CC2D2A: variants seen among roughly 807,000 people sequenced by gnomAD.
CC2D2A encodes the protein coiled-coil and C2 domain-containing protein 2A.
In CC2D2A, 155 loss-of-function variants were observed where a neutral mutation model predicts 212.9. The ratio of observed to expected loss-of-function variants is 0.73; its 90% CI spans 0.64 to 0.83. CC2D2A has a LOEUF of 0.83. Among genes scored for constraint, CC2D2A ranks in the 40% least tolerant of loss-of-function variants. CC2D2A has a pLI of 0.00. For missense variants in CC2D2A, 1,856 were observed against 1,956.2 expected, an observed-to-expected ratio of 0.95 and a Z score of 0.97; for synonymous variants, 667 against 686.5, an observed-to-expected ratio of 0.97 and a Z score of 0.44.
intron 2 of CC2D2A, among the ~76,000 whole-genome samples, chr4:15,477,708 G>C (rs1022636061): frequency 6.6e-6 from 1 of 152,108 alleles, no homozygotes; most frequent in Non-Finnish European, 1.5e-5. Context: ...GCAGCTCAGA[G>C]GACAAGTCAG....
Position 15,559,178 on chromosome 4 carries a change from G to C in CC2D2A, c.2843G>C (p.Arg948Pro). Reference protein sequence around the residue: ...MEKVFQDYEKRLRDRNVIETK... With the variant: ...MEKVFQDYEKPLRDRNVIETK... ...TTTTAATTTTAGGACTATGAGAAAC[G>C]GTTACGAGACAGAAATGTAATAGAA... The change falls in exon 22 of 37, where the codon CGG (arginine) becomes CCG (proline). Residue 948 changes from arginine (R) to proline (P), a missense_variant. Transcript: ENST00000424120. The C allele has an allele frequency of 6.5e-7, 1 of 1,547,432 alleles. No individual in the cohort carries two copies. Among genetic ancestry groups the C allele is most frequent in the Non-Finnish European group, 8.7e-7 (1 of 1,145,182 alleles).
intron 26 of CC2D2A, among the ~76,000 whole-genome samples, chr4:15,568,665 A>G (rs1358057013): frequency 6.6e-6 from 1 of 152,256 alleles, no homozygotes; most frequent in Non-Finnish European, 1.5e-5. Flanking sequence ...AACAGCAAAA[A>G]GAACAAGAAA....
intron 4 of CC2D2A, among the ~76,000 whole-genome samples, chr4:15,498,297 T>C (rs1013918174): frequency 6.6e-6 from 1 of 152,222 alleles, no homozygotes; most frequent in Non-Finnish European, 1.5e-5. Flanking sequence ...TATGTATATA[T>C]TTTTAATGGA....
intron 4 of CC2D2A, among the ~76,000 whole-genome samples, chr4:15,491,217 G>A (rs1384032562): frequency 2.0e-5 from 3 of 152,210 alleles, no homozygotes; most frequent in Non-Finnish European, 2.9e-5. Flanking sequence ...TGACAACAAC[G>A]TATGAAAGTT....
At position 15,595,096 on chromosome 4, in the gene CC2D2A, T is replaced by C. The variant is rs1202919919; in HGVS notation, c.4315-989T>C. ...TCCCAAACTGCTGGGATTATGAGTG[T>C]GAGCCTGCCTGTTTACTTATTTGTT... is the stretch of plus-strand genomic sequence containing the variant. On this transcript the variant is annotated intron_variant, in intron 33 of 36. Transcript: ENST00000424120. Among the ~76,000 whole-genome samples, 4 of 152,212 alleles carry C rather than the reference T, an allele frequency of 2.6e-5. No individual in the cohort carries two copies. The East Asian group carries it at 7.7e-4, about 29-fold the overall frequency.
intron 1 of CC2D2A, among the ~76,000 whole-genome samples, chr4:15,471,775 G>A (rs1388047205): frequency 6.6e-6 from 1 of 152,076 alleles, no homozygotes; most frequent in Non-Finnish European, 1.5e-5. Flanking sequence ...CCATGTTTTT[G>A]CCATCCTGGA....
chr4:15,551,189 AGTAGTTTGGCAGTGTAAGTT>A (rs1718993622), intron 18 of CC2D2A, among the ~76,000 whole-genome samples: 1 of 152,240 alleles, frequency 6.6e-6, no homozygotes, highest in East Asian at 1.9e-4. Flanking sequence ...GCAACTATGA[AGTAGTTTGGCAGTGTAAGTT>A]GAGAACCTTG....
chr4:15,534,722 A>C (rs1386073293), intron 14 of CC2D2A, among the ~76,000 whole-genome samples: 1 of 152,182 alleles, frequency 6.6e-6, no homozygotes, highest in Non-Finnish European at 1.5e-5. Flanking sequence ...GATAGCTACA[A>C]ATTGTAAGTT....
At chr4:15,536,645 G>A (rs1718144266) in intron 14 of CC2D2A, among the ~76,000 whole-genome samples, 1 of 152,056 alleles carries the variant, frequency 6.6e-6, no homozygotes, top group African/African-American at 2.4e-5. Context: ...GAGAGGCATG[G>A]CTGCTCAGTG....
chr4:15,549,173 G>T (rs1241934053), intron 17 of CC2D2A, among the ~76,000 whole-genome samples: 1 of 152,104 alleles, frequency 6.6e-6, no homozygotes, highest in Non-Finnish European at 1.5e-5. Context: ...TTGAAGCTGG[G>T]GGTGACAGGT....
At chr4:15,475,862 A>C in intron 1 of CC2D2A, 53 bp from the exon 2 acceptor site, 1 of 1,357,454 alleles carries the variant, frequency 7.4e-7, no homozygotes, top group Non-Finnish European at 1.0e-6. Context: ...TAGTAAGAGA[A>C]GCAATATTTC....
chr4:15,597,698 A>G (rs1166724553), intron 35 of CC2D2A, among the ~76,000 whole-genome samples: 1 of 152,246 alleles, frequency 6.6e-6, no homozygotes, highest in Non-Finnish European at 1.5e-5. Flanking sequence ...ACGTACTTCT[A>G]CAGGGACTTC....
Position 15,569,306 on chromosome 4 carries a change from G to A in CC2D2A, c.3412G>A (p.Asp1138Asn). Residue 1138 changes from aspartate (D) to asparagine (N), a missense_variant, in exon 27 of 37, where the codon GAT (aspartate) becomes AAT (asparagine). By Grantham distance (23) the Asp-to-Asn change is conservative (BLOSUM62 1). This residue lies in a region of CC2D2A where 1,512 missense variants were observed against 1,579.3 expected (regional missense o/e 0.96). Coordinates refer to ENST00000424120, the MANE Select transcript of CC2D2A (RefSeq NM_001378615.1). ...GCTGTCTTGCAGGGCTCCTAATGGA[G>A]ATTATAGCACAGCCAGTCTGCAGTC... ...LELPFRAPNG[D>N]YSTASLQSVK... is the part of the protein sequence containing the mutation. 6.3e-7 allele frequency: 1 copy of A among 1,576,770 alleles called. No individual in the cohort carries two copies. Among genetic ancestry groups the A allele is most frequent in the Non-Finnish European group, 8.6e-7 (1 of 1,159,002 alleles).
intron 33 of CC2D2A, among the ~76,000 whole-genome samples, chr4:15,591,497 G>A (rs1030693956): frequency 2.0e-5 from 3 of 152,160 alleles, no homozygotes; most frequent in African/African-American, 7.2e-5. Context: ...GGGATTACAG[G>A]CGTGAGCCAC....
intron 33 of CC2D2A, among the ~76,000 whole-genome samples, chr4:15,595,271 T>C (rs954586039): frequency 1.2e-4 from 18 of 152,230 alleles, no homozygotes; most frequent in Non-Finnish European, 2.1e-4. Context: ...TTACTCAGTA[T>C]GACTACTGTA....
chr4:15,518,928 T>G (rs1717040968), intron 11 of CC2D2A, among the ~76,000 whole-genome samples: 1 of 152,166 alleles, frequency 6.6e-6, no homozygotes, highest in Non-Finnish European at 1.5e-5. Context: ...AGGGGATGCT[T>G]TGAAGACCTC....
chr4:15,586,010 G>A, intron 30 of CC2D2A, 147 bp from the exon 31 acceptor site: 1 of 514,224 alleles, frequency 1.9e-6, no homozygotes, highest in South Asian at 3.7e-5. Context: ...GGTGAGGATG[G>A]AGATATTAAT....
chr4:15,556,279 A>T (rs1469857705), intron 20 of CC2D2A, among the ~76,000 whole-genome samples: 1 of 152,198 alleles, frequency 6.6e-6, no homozygotes, highest in Non-Finnish European at 1.5e-5. Context: ...TATCAATAGG[A>T]TAATTGTAGC....
chr4:15,500,107 G>GTGTGTATATATATA (rs1479141284), intron 4 of CC2D2A, among the ~76,000 whole-genome samples: 20 of 112,936 alleles, frequency 1.8e-4, no homozygotes, highest in Admixed American at 6.4e-4. Flanking sequence ...GTGTGTGTGT[G>GTGTGTATATATATA]TATATATATA....
Sources: gnomAD v4.1 joint callset for allele counts (sites outside exome capture counted in the v4.1 genomes callset) on GRCh38, gnomAD v4.1.1 for gene constraint, gnomAD v4.1.1 regional missense constraint, MANE v1.5 for transcripts, NCBI Gene and HGNC (gene_info 2026-07-23, HGNC 2026-07-21) for gene names.